The following SCOC variants were observed in gnomAD, a reference collection of about 807,000 sequenced individuals.
SCOC encodes short coiled coil protein.
In SCOC, 7 loss-of-function variants were observed where a neutral mutation model predicts 9.9. The observed-to-expected ratio is 0.71, with a 90% confidence interval of 0.40 to 1.33. The LOEUF is 1.33. Among genes scored for constraint, SCOC ranks in the 40% most tolerant of loss-of-function variants. The pLI is 0.01. For missense variants in SCOC, 66 were observed against 89.7 expected, an observed-to-expected ratio of 0.74 and a Z score of 1.07; for synonymous variants, 19 against 28.2, an observed-to-expected ratio of 0.67 and a Z score of 1.03.
intron 1 of SCOC, among the ~76,000 whole-genome samples, chr4:140,301,330 T>G (rs1731804652): frequency 1.3e-5 from 2 of 152,250 alleles, no homozygotes. Flanking sequence ...AACTGATCTC[T>G]GTGGATTTAG....
chr4:140,280,403 A>G (rs1290962945), intron 1 of SCOC, among the ~76,000 whole-genome samples: 1 of 152,144 alleles, frequency 6.6e-6, no homozygotes, highest in Non-Finnish European at 1.5e-5. Flanking sequence ...TGCTGGGGTT[A>G]TTGATGGGAG....
chr4:140,344,474 CT>C, intron 2 of SCOC, among the ~76,000 whole-genome samples: 1 of 152,296 alleles, frequency 6.6e-6, no homozygotes, highest in Non-Finnish European at 1.5e-5. Context: ...ACATCAATTG[CT>C]CTTTCATACA....
At chr4:140,320,950 G>T (rs181702899) in intron 1 of SCOC, among the ~76,000 whole-genome samples, 9 of 152,076 alleles carry the variant, frequency 5.9e-5, no homozygotes, top group African/African-American at 9.7e-5. Flanking sequence ...AATATAAGAG[G>T]TCGCCCCTCT....
intron 1 of SCOC, chr4:140,376,649 C>G (rs1184387086): frequency 2.6e-5 from 4 of 152,120 alleles, no homozygotes; most frequent in African/African-American, 9.7e-5. Flanking sequence ...TGTTTTTCTG[C>G]TTTTTATTTT....
At chr4:140,354,898 G>A (rs76576072) in intron 2 of SCOC, among the ~76,000 whole-genome samples, 6 of 151,990 alleles carry the variant, frequency 3.9e-5, no homozygotes, top group African/African-American at 1.2e-4. Flanking sequence ...AAAGCAACCC[G>A]TCATCACTCA....
chr4:140,348,039 T>C (rs1726814598), intron 2 of SCOC, among the ~76,000 whole-genome samples: 1 of 152,172 alleles, frequency 6.6e-6, no homozygotes, highest in Admixed American at 6.5e-5. Context: ...ATGTTTATGG[T>C]TTATGGTGTA....
At chr4:140,293,856 G>A (rs1037031538) in intron 1 of SCOC, among the ~76,000 whole-genome samples, 1 of 152,204 alleles carries the variant, frequency 6.6e-6, no homozygotes, top group Admixed American at 6.5e-5. Context: ...ATCAAGGGGA[G>A]AGTAAAGCAG....
chr4:140,290,638 C>A (rs1330929731), intron 1 of SCOC, among the ~76,000 whole-genome samples: 1 of 152,176 alleles, frequency 6.6e-6, no homozygotes, highest in Non-Finnish European at 1.5e-5. Flanking sequence ...CATGGTGAAA[C>A]CCCATCTCTA....
At chr4:140,350,641 G>A (rs1443304639) in intron 2 of SCOC, among the ~76,000 whole-genome samples, 1 of 152,204 alleles carries the variant, frequency 6.6e-6, no homozygotes, top group Non-Finnish European at 1.5e-5. Flanking sequence ...AGTGTGGCAG[G>A]AAGGGCTTGA....
chr4:140,319,505 G>GA (rs965632484), intron 1 of SCOC, among the ~76,000 whole-genome samples: 4 of 149,744 alleles, frequency 2.7e-5, no homozygotes, highest in Admixed American at 6.7e-5. Context: ...ATACAGAAAA[G>GA]AAAAAAAAAT....
At position 140,383,719 on chromosome 4, in the gene SCOC, G is replaced by A. The variant is rs1385264604; in HGVS notation, c.*2615G>A. 6.6e-6 allele frequency: 1 copy of A among 152,098 alleles called. No individual in the cohort carries two copies. The highest frequency in any genetic ancestry group is 1.5e-5 in the Non-Finnish European group (1 of 68,032). 9.4% of individuals were successfully genotyped at this position (152,098 alleles called of 1,614,324 possible). On this transcript the variant is annotated 3_prime_UTR_variant, in exon 4 of 4. Coordinates refer to ENST00000608372, the MANE Select transcript of SCOC (RefSeq NM_001153484.2). Reference sequence around the variant, plus strand: ...TCCACTTCCTGCTGGTGTGAATTTGGTGCCCATCATTTTAAGGCCAAGCTC... The same window carrying A: ...TCCACTTCCTGCTGGTGTGAATTTGATGCCCATCATTTTAAGGCCAAGCTC...
At chr4:140,333,645 T>C (rs1732880616) in intron 1 of SCOC, among the ~76,000 whole-genome samples, 1 of 151,958 alleles carries the variant, frequency 6.6e-6, no homozygotes, top group South Asian at 2.1e-4. Context: ...TGTGTTAAAC[T>C]TTCTGTGTTG....
At chr4:140,364,459 A>T (rs1287533911) in intron 2 of SCOC, among the ~76,000 whole-genome samples, 1 of 152,178 alleles carries the variant, frequency 6.6e-6, no homozygotes, top group Non-Finnish European at 1.5e-5. Flanking sequence ...TGCAGATCAA[A>T]GTGCCCTATT....
intron 2 of SCOC, among the ~76,000 whole-genome samples, chr4:140,364,776 A>C (rs1049995625): frequency 6.6e-6 from 1 of 152,156 alleles, no homozygotes; most frequent in African/African-American, 2.4e-5. Context: ...ACTACCTTTA[A>C]ATTTTTTTCT....
intron 1 of SCOC, among the ~76,000 whole-genome samples, chr4:140,278,205 G>T (rs1312970615): frequency 1.3e-5 from 2 of 152,096 alleles, no homozygotes. Flanking sequence ...CTCAAGATTT[G>T]GTGTCTGGTG....
intron 2 of SCOC, among the ~76,000 whole-genome samples, chr4:140,353,805 T>TG (rs1277879947): frequency 6.6e-6 from 1 of 152,246 alleles, no homozygotes; most frequent in East Asian, 1.9e-4. Context: ...TCTGTTACAG[T>TG]GACCTGGGTC....
chr4:140,315,897 A>G (rs1732303140), intron 1 of SCOC, among the ~76,000 whole-genome samples: 1 of 152,034 alleles, frequency 6.6e-6, no homozygotes, highest in Non-Finnish European at 1.5e-5. Flanking sequence ...TAGGCCCAAC[A>G]TGTACTGTAG....
intron 1 of SCOC, among the ~76,000 whole-genome samples, chr4:140,263,043 C>T (rs567998335): frequency 3.3e-5 from 5 of 152,238 alleles, no homozygotes; most frequent in African/African-American, 1.2e-4. Context: ...GAGAATAACA[C>T]CAAAGTGTTG....
intron 1 of SCOC, among the ~76,000 whole-genome samples, chr4:140,260,393 C>T (rs34983607): frequency 0.068 from 10,372 of 152,234 alleles, 887 homozygotes; most frequent in East Asian, 0.44. Context: ...TGAAGTTGCA[C>T]GTGTTGAAAT....
Sources: gnomAD v4.1 joint callset for allele counts (sites outside exome capture counted in the v4.1 genomes callset) on GRCh38, gnomAD v4.1.1 for gene constraint, MANE v1.5 for transcripts, NCBI Gene and HGNC (gene_info 2026-07-23, HGNC 2026-07-21) for gene names.